Variants in TUBGCP6 observed in about 807,000 individuals in gnomAD.
TUBGCP6 encodes the protein tubulin gamma complex component 6.
In TUBGCP6, 161 loss-of-function variants were observed where a neutral mutation model predicts 175.8. The ratio of observed to expected loss-of-function variants is 0.92; its 90% confidence interval spans 0.81 to 1.04. The LOEUF is 1.04. TUBGCP6 is among the 50% of genes least tolerant of loss of function. The pLI, the probability that TUBGCP6 is intolerant of heterozygous loss-of-function variation, is 0.00. For synonymous variants in TUBGCP6, 1,173 were observed against 1,030.5 expected (o/e 1.14, Z -2.65); for missense variants, 2,572 against 2,433.0 (o/e 1.06, Z -1.20).
At chr22:50,241,973 G>A (rs1209842567) in intron 1 of TUBGCP6, among the ~76,000 whole-genome samples, 1 of 113,524 alleles carries the variant, frequency 8.8e-6, no homozygotes, top group Non-Finnish European at 1.6e-5. Flanking sequence ...CCCTACACAA[G>A]ACTCCATCTC....
In TUBGCP6 at chr22:50,234,174, C is replaced by T. The variant is rs542095033; in HGVS notation, c.906-648G>A. Among the ~76,000 whole-genome samples the T allele has an allele frequency of 4.5e-3, 667 of 147,570 alleles. 4 individuals carry two copies. Among genetic ancestry groups the T allele is most frequent in the African/African-American group, 0.016 (640 of 39,706 alleles). ...CAGCAGCATCACCCACACCCATCCA[C>T]GGCAGCATCATCCACACGCCCGTCC... is the stretch of plus-strand genomic sequence containing the variant. On this transcript the variant is annotated intron_variant, in intron 2 of 24. Coordinates refer to ENST00000248846, the MANE Select transcript of TUBGCP6 (RefSeq NM_020461.4).
At position 50,243,948 on chromosome 22, in the gene TUBGCP6, CACAA is replaced by C. The variant is rs2064882775; in HGVS notation, c.508_511del (p.Leu170ValfsTer4). ...AAGTGTTTCCTGGATCATGCTGTGA[CACAA>C]ACACTCTTCTCTGGAGATCAGAGAC... On this transcript the variant is annotated frameshift_variant, in exon 1 of 25. Coordinates refer to ENST00000248846, the MANE Select transcript of TUBGCP6 (RefSeq NM_020461.4). LOFTEE classifies it high-confidence loss of function. 1.9e-6 allele frequency: 3 copies of C among 1,614,136 alleles called. No homozygotes were observed. Among genetic ancestry groups the C allele is most frequent in the Non-Finnish European group, 2.5e-6 (3 of 1,180,036 alleles).
chr22:50,237,443 T>C (rs1036107913), intron 2 of TUBGCP6, among the ~76,000 whole-genome samples: 2 of 152,238 alleles, frequency 1.3e-5, no homozygotes, highest in African/African-American at 2.4e-5. Context: ...CCGACTGCAG[T>C]GTCAGGGGCC....
Position 50,219,068 on chromosome 22 carries a change from C to A in TUBGCP6, c.4626G>T (p.Lys1542Asn), listed in dbSNP as rs2147173412. 2 of 1,612,050 alleles carry A rather than the reference C, an allele frequency of 1.2e-6. No individual in the cohort carries two copies. The highest frequency in any genetic ancestry group is 1.7e-6 in the Non-Finnish European group (2 of 1,179,904). The stretch of plus-strand genomic sequence containing the variant: ...GCCCCACCCCGTGTCCGGAGGCCAC[C>A]TTCTCAAAGAGCAGGTCGCTGAGGG... ...AQSLSDLLFEKLGAGQTPGEL... is the reference protein window; with the variant it reads ...AQSLSDLLFENLGAGQTPGEL... The change falls in exon 20 of 25, where the codon AAG becomes AAT. Residue 1542 changes from lysine (K) to asparagine (N), a missense_variant and splice_region_variant. By Grantham distance (94) the Lys-to-Asn change is moderately conservative. Coordinates refer to ENST00000248846, the MANE Select transcript of TUBGCP6 (RefSeq NM_020461.4).
At chr22:50,231,181 A>C (rs531753596) in intron 3 of TUBGCP6, among the ~76,000 whole-genome samples, 1 of 151,966 alleles carries the variant, frequency 6.6e-6, no homozygotes, top group Non-Finnish European at 1.5e-5. Context: ...GGCCAAGCAC[A>C]GTGGCTCACA....
rs1363274980 is a variant in TUBGCP6 at position 50,244,845 on chromosome 22, G to A, written c.-386C>T. On this transcript the variant is annotated 5_prime_UTR_variant, in exon 1 of 25. Coordinates refer to ENST00000248846, the MANE Select transcript of TUBGCP6 (RefSeq NM_020461.4). ...CACCCGTTCTTCGGGACCCACGAGA[G>A]GAGACGGCCAGGAGAGGGTGCCACT... The A allele has an allele frequency of 8.7e-6, 2 of 231,120 alleles. No individual in the cohort carries two copies. Among genetic ancestry groups the A allele is most frequent in the African/African-American group, 2.3e-5 (1 of 42,920 alleles). 14.3% of individuals were successfully genotyped at this position (231,120 alleles called of 1,614,324 possible). A position where few individuals can be genotyped will look rare whatever the true frequency, so the allele number is the denominator to read the frequency against.
rs2064451957 is a variant in TUBGCP6 at position 50,218,258 on chromosome 22, A to C, written c.5099T>G (p.Leu1700Trp). The change falls in exon 23 of 25, where the codon TTG becomes TGG. Residue 1700 changes from leucine (L) to tryptophan (W), a missense_variant. Physicochemically the swap from Leu to Trp is moderately conservative, Grantham distance 61. Transcript: ENST00000248846. ...HVTWCEFRARLATVGDLEEIQ... is the reference protein window; with the variant it reads ...HVTWCEFRARWATVGDLEEIQ... Reference sequence around the variant, plus strand: ...CTCCTCCAGGTCGCCCACGGTGGCCAACCTGGCCCTGAACTCGCACCAGGT... The same window carrying C: ...CTCCTCCAGGTCGCCCACGGTGGCCCACCTGGCCCTGAACTCGCACCAGGT... The C allele has an allele frequency of 6.2e-7, 1 of 1,613,118 alleles. No individual in the cohort carries two copies. Among genetic ancestry groups the C allele is most frequent in the African/African-American group, 1.3e-5 (1 of 75,058 alleles).
chr22:50,218,796 G>T lies in TUBGCP6; in HGVS notation c.4728C>A (p.His1576Gln). The change falls in exon 21 of 25, where the codon CAC becomes CAA. Residue 1576 changes from histidine (H) to glutamine (Q), a missense_variant. Coordinates refer to ENST00000248846, the MANE Select transcript of TUBGCP6 (RefSeq NM_020461.4). ...TGAGAGCGAGGGAGAGGTTGGAGGC[G>T]TGCGGGGTGTCCCCATGCAGGCTGC... ...LQCSLHGDTP[H>Q]ASNLSLALKY... The T allele has an allele frequency of 1.2e-6, 2 of 1,614,104 alleles. No homozygotes were observed. The highest frequency in any genetic ancestry group is 8.5e-7 in the Non-Finnish European group (1 of 1,180,010).
chr22:50,230,104 AT>A (rs1233067266), intron 3 of TUBGCP6, among the ~76,000 whole-genome samples: 2 of 152,188 alleles, frequency 1.3e-5, no homozygotes, highest in African/African-American at 4.8e-5. Context: ...AGGAAAAAAA[AT>A]ATCCCGCAAT....
At chr22:50,243,014 G>A (rs1457450208) in intron 1 of TUBGCP6, among the ~76,000 whole-genome samples, 2 of 152,214 alleles carry the variant, frequency 1.3e-5, no homozygotes, top group Non-Finnish European at 2.9e-5. Flanking sequence ...CTTTTACCAT[G>A]ATAAAAGGAA....
intron 3 of TUBGCP6, among the ~76,000 whole-genome samples, chr22:50,231,522 A>C (rs971914883): frequency 3.3e-5 from 5 of 152,130 alleles, no homozygotes; most frequent in African/African-American, 1.2e-4. Flanking sequence ...GCTCTTTGAA[A>C]AGATCAACAA....
Position 50,221,382 on chromosome 22 carries a change from C to T in TUBGCP6, c.2977G>A (p.Asp993Asn), listed in dbSNP as rs1391015636. 2 of 1,609,142 alleles carry T rather than the reference C, an allele frequency of 1.2e-6. No individual in the cohort carries two copies. The highest frequency in any genetic ancestry group is 2.2e-5 in the South Asian group (2 of 90,976). ...TCCCGCGAGGCGGAGCCACAGGCAT[C>T]CATCTTCCCACAACTGTCCTCCCAC... ...QLWEDSCGKM[D>N]ACGSASRETL... Residue 993 changes from aspartate (D) to asparagine (N), a missense_variant, in exon 16 of 25, where the codon GAT (aspartate) becomes AAT (asparagine). Asp to Asn is a conservative substitution (Grantham distance 23). Transcript: ENST00000248846.
chr22:50,229,507 A>C lies in TUBGCP6; in HGVS notation c.1187T>G (p.Leu396Arg). Residue 396 changes from leucine (L) to arginine (R), a missense_variant, in exon 4 of 25, where the codon CTG (leucine) becomes CGG (arginine). Physicochemically the swap from Leu to Arg is moderately radical, Grantham distance 102 (BLOSUM62 -2). Transcript: ENST00000248846. ...CCCATACTCGGCCACTTCCGAGAGC[A>C]GGCTGCTGATGCTCTCGGGAGACGC... ...SGASPESISSLLSEVAEYGTC... is the reference protein window; with the variant it reads ...SGASPESISSRLSEVAEYGTC... 2 of 1,610,540 alleles carry C rather than the reference A, an allele frequency of 1.2e-6. No homozygotes were observed. Among genetic ancestry groups the C allele is most frequent in the Middle Eastern group, 1.7e-4 (1 of 6,054 alleles).
Position 50,225,777 on chromosome 22 carries a change from C to T in TUBGCP6, c.1983+17G>A. On this transcript the variant is annotated intron_variant, in intron 10 of 24. Coordinates refer to ENST00000248846, the MANE Select transcript of TUBGCP6 (RefSeq NM_020461.4). ...GCAGGGGCGAAGAAAGCCCCCGAGA[C>T]CTGTGGTGCCACGCACCTTCTCCTC... 6.2e-7 allele frequency: 1 copy of T among 1,605,228 alleles called. No homozygotes were observed. Among genetic ancestry groups the T allele is most frequent in the East Asian group, 2.2e-5 (1 of 44,730 alleles).
chr22:50,232,967 G>A (rs1372505858), intron 3 of TUBGCP6, among the ~76,000 whole-genome samples: 1 of 152,214 alleles, frequency 6.6e-6, no homozygotes, highest in Non-Finnish European at 1.5e-5. Context: ...GTCTCGGGAC[G>A]CTCTCGGCAG....
chr22:50,240,421 C>T, intron 1 of TUBGCP6, 54 bp from the exon 2 acceptor site: 2 of 1,598,922 alleles, frequency 1.3e-6, no homozygotes, highest in South Asian at 1.1e-5. Flanking sequence ...CACGTTTCAT[C>T]CAAGGGCGAT....
rs764384771 is a variant in TUBGCP6 at position 50,219,663 on chromosome 22, C to G, written c.4296G>C (p.Pro1432=). ...LAGQYHLERY[P]DSYESMSEPP... ...ACTCACACATGGACTCGTAACTGTC[C>G]GGGTACCGCTCCAAGTGGTACTGCC... is the stretch of plus-strand genomic sequence containing the variant. Residue 1432 remains proline (P), a synonymous_variant, in exon 18 of 25, where the codon CCG becomes CCC. Coordinates refer to ENST00000248846, the MANE Select transcript of TUBGCP6 (RefSeq NM_020461.4). 6.2e-7 allele frequency: 1 copy of G among 1,613,676 alleles called. No individual in the cohort carries two copies. The highest frequency in any genetic ancestry group is 8.5e-7 in the Non-Finnish European group (1 of 1,179,952).
At position 50,224,213 on chromosome 22, in the gene TUBGCP6, C is replaced by T. The variant is rs1422096763; in HGVS notation, c.2198G>A (p.Ser733Asn). ...CCTGTCTCGGAGTTCACGGGCGTAG[C>T]TGAAGTCATCATCCAGCTCCTCCTG... ...ARQEELDDDF[S>N]YARELRDRER... is the part of the protein sequence containing the mutation. The change falls in exon 13 of 25, where the codon AGC becomes AAC. Residue 733 changes from serine to asparagine, a missense_variant. By Grantham distance (46) the Ser-to-Asn change is conservative. Transcript: ENST00000248846. The T allele has an allele frequency of 1.5e-5, 24 of 1,614,068 alleles. No homozygotes were observed. Among genetic ancestry groups the T allele is most frequent in the African/African-American group, 1.1e-4 (8 of 74,928 alleles).
In TUBGCP6 at chr22:50,220,371, A is replaced by C; in HGVS notation, c.3988T>G (p.Ser1330Ala). 6.4e-7 allele frequency: 1 copy of C among 1,565,544 alleles called. No homozygotes were observed. The highest frequency in any genetic ancestry group is 8.7e-7 in the Non-Finnish European group (1 of 1,151,312). ...RLPVEVGPSL[S>A]SPSSGCGEGS... ...TCCCCGCAGCCCGAGCTGGGGGAGG[A>C]CAGAGATGGCCCCACTTCTACAGGC... Residue 1330 changes from serine (S) to alanine (A), a missense_variant, in exon 16 of 25, where the codon TCC (serine) becomes GCC (alanine). By Grantham distance (99) the Ser-to-Ala change is moderately conservative. Transcript: ENST00000248846.
Sources: gnomAD v4.1 joint callset for allele counts (sites outside exome capture counted in the v4.1 genomes callset) on GRCh38, gnomAD v4.1.1 for gene constraint, MANE v1.5 for transcripts, NCBI Gene and HGNC (gene_info 2026-07-23, HGNC 2026-07-21) for gene names.